Variants in TAS2R1 observed in about 807,000 individuals in gnomAD.
TAS2R1 encodes taste 2 receptor member 1, also known as taste receptor type 2 member 1.
For missense variants in TAS2R1, 370 were observed against 353.4 expected (o/e 1.05, Z -0.38); for synonymous variants, 141 against 134.2 (o/e 1.05, Z -0.35).
the TAS2R1 span, among the ~76,000 whole-genome samples, chr5:9,724,434 T>C: frequency 0.042 from 6,400 of 151,966 alleles, 432 homozygotes; most frequent in African/African-American, 0.14. Flanking sequence ...ACATAAATAG[T>C]ATACTTAACA....
chr5:9,745,535 A>G, the TAS2R1 span, among the ~76,000 whole-genome samples: 2 of 152,108 alleles, frequency 1.3e-5, no homozygotes, highest in Non-Finnish European at 2.9e-5. Flanking sequence ...AGCCTACAGT[A>G]ACCAAAACAG....
chr5:9,797,926 C>T, the TAS2R1 span, among the ~76,000 whole-genome samples: 9 of 152,142 alleles, frequency 5.9e-5, no homozygotes, highest in Non-Finnish European at 1.0e-4. Context: ...ATATTTGCCT[C>T]CAAAGATGTG....
the TAS2R1 span, among the ~76,000 whole-genome samples, chr5:9,821,492 G>A: frequency 6.6e-6 from 1 of 152,204 alleles, no homozygotes; most frequent in Non-Finnish European, 1.5e-5. Context: ...TAAGTAGAAT[G>A]TGAGAAGGTC....
intron 1 of TAS2R1, among the ~76,000 whole-genome samples, chr5:9,663,439 T>C (rs1342372899): frequency 1.3e-5 from 2 of 152,192 alleles, no homozygotes; most frequent in East Asian, 1.9e-4. Context: ...CTGCCTATAA[T>C]AGCTCAACTT....
chr5:9,795,007 G>A, the TAS2R1 span, among the ~76,000 whole-genome samples: 1 of 152,136 alleles, frequency 6.6e-6, no homozygotes, highest in African/African-American at 2.4e-5. Flanking sequence ...ATAATGTATG[G>A]TGATCAGATC....
chr5:9,866,346 A>C, the TAS2R1 span, among the ~76,000 whole-genome samples: 2 of 152,154 alleles, frequency 1.3e-5, no homozygotes, highest in Non-Finnish European at 2.9e-5. Flanking sequence ...TCCAATTTCT[A>C]ATTGTCTATG....
At chr5:9,898,081 C>A in the TAS2R1 span, among the ~76,000 whole-genome samples, 9 of 152,164 alleles carry the variant, frequency 5.9e-5, no homozygotes, top group South Asian at 4.1e-4. Flanking sequence ...AATGACTAAG[C>A]TTTAAACTAT....
chr5:9,629,397 C>T lies in TAS2R1; in HGVS notation c.636G>A (p.Val212=). Residue 212 remains valine, a synonymous_variant, in exon 1 of 1, where the codon GTG becomes GTA. Transcript: ENST00000382492. The stretch of plus-strand genomic sequence containing the variant: ...CCCTGCCAGGAACCCTGCTGCCGGC[C>T]ACTGTGTTTCTCATTTGCCGGGTGT... ...GRHTRQMRNT[V]AGSRVPGRGA... is the part of the protein sequence containing the mutation. 6.2e-7 allele frequency: 1 copy of T among 1,614,122 alleles called. No homozygotes were observed. Among genetic ancestry groups the T allele is most frequent in the Non-Finnish European group, 8.5e-7 (1 of 1,180,032 alleles).
At chr5:9,752,648 A>G in the TAS2R1 span, among the ~76,000 whole-genome samples, 3 of 152,016 alleles carry the variant, frequency 2.0e-5, no homozygotes, top group African/African-American at 7.2e-5. Context: ...TGCTGCACCC[A>G]TTAACTCGTC....
At chr5:9,792,600 G>C in the TAS2R1 span, among the ~76,000 whole-genome samples, 716 of 152,266 alleles carry the variant, frequency 4.7e-3, 3 homozygotes, top group African/African-American at 0.016. Flanking sequence ...TGTGAATGCT[G>C]GTGATCCCAT....
chr5:9,686,236 T>C (rs956872493), intron 1 of TAS2R1, among the ~76,000 whole-genome samples: 2 of 152,192 alleles, frequency 1.3e-5, no homozygotes, highest in Admixed American at 1.3e-4. Flanking sequence ...TAATCTTACA[T>C]CTATTTCCTA....
intron 1 of TAS2R1, among the ~76,000 whole-genome samples, chr5:9,699,633 C>A (rs753102583): frequency 3.9e-5 from 6 of 152,012 alleles, no homozygotes; most frequent in Non-Finnish European, 8.8e-5. Context: ...ATAGAAGGAC[C>A]AAGTGCTGCT....
the TAS2R1 span, chr5:9,761,048 G>A: frequency 2.6e-5 from 4 of 152,110 alleles, no homozygotes; most frequent in Admixed American, 6.5e-5. Flanking sequence ...AACCCCCTAA[G>A]AATCCACAAA....
the TAS2R1 span, among the ~76,000 whole-genome samples, chr5:9,749,434 A>G: frequency 7.2e-5 from 11 of 152,226 alleles, no homozygotes; most frequent in African/African-American, 2.7e-4. Flanking sequence ...CAAAATTTGA[A>G]TTATTGATCA....
chr5:9,774,856 G>A, the TAS2R1 span, among the ~76,000 whole-genome samples: 2 of 152,214 alleles, frequency 1.3e-5, no homozygotes, highest in African/African-American at 4.8e-5. Context: ...GCCACCACCA[G>A]TGGGAGTGTG....
upstream of TAS2R1, among the ~76,000 whole-genome samples, chr5:9,715,764 C>G (rs1222413123): frequency 6.6e-6 from 1 of 152,218 alleles, no homozygotes; most frequent in Admixed American, 6.5e-5. Context: ...TAATACCTGA[C>G]AGTGAATCTC....
At chr5:9,799,066 T>C in the TAS2R1 span, among the ~76,000 whole-genome samples, 5 of 152,168 alleles carry the variant, frequency 3.3e-5, no homozygotes, top group African/African-American at 1.2e-4. Flanking sequence ...CACAGACCAG[T>C]ATCTGCAGCA....
chr5:9,735,642 C>T, the TAS2R1 span, among the ~76,000 whole-genome samples: 1 of 152,130 alleles, frequency 6.6e-6, no homozygotes, highest in Non-Finnish European at 1.5e-5. Flanking sequence ...AGGCCACACC[C>T]CCCACCATGG....
In TAS2R1 at chr5:9,629,711, C is replaced by T. The variant is rs1739832568; in HGVS notation, c.322G>A (p.Ala108Thr). 2 of 1,614,056 alleles carry T rather than the reference C, an allele frequency of 1.2e-6. No homozygotes were observed. The stretch of plus-strand genomic sequence containing the variant: ...ATGAAGAGTGGGTGACGGACGCTGG[C>T]AACCTTGGCACAATAGAAAACGCCG... ...WLGVFYCAKV[A>T]SVRHPLFIWL... is the part of the protein sequence containing the mutation. Residue 108 changes from alanine to threonine, a missense_variant, in exon 1 of 1, where the codon GCC becomes ACC. Transcript: ENST00000382492.
Sources: allele counts gnomAD v4.1 joint callset (sites outside exome capture counted in the v4.1 genomes callset), GRCh38; gene constraint gnomAD v4.1.1; transcripts MANE v1.5; gene names NCBI Gene and HGNC (gene_info 2026-07-23, HGNC 2026-07-21).